ARHGEF3: variants seen among roughly 807,000 people sequenced by gnomAD.
The protein encoded by ARHGEF3 is 59.8 kDA protein.
ARHGEF3 carries 28 observed loss-of-function variants against 63.2 expected under a neutral mutation model. The ratio of observed to expected loss-of-function variants is 0.44; its 90% CI spans 0.33 to 0.61. The LOEUF (loss-of-function observed/expected upper bound fraction) is 0.61, where lower values mean the gene tolerates loss of function less well. Ranked by LOEUF, ARHGEF3 falls within the 20% of genes least tolerant of loss-of-function variation. The pLI, the probability that ARHGEF3 is intolerant of heterozygous loss-of-function variation, is 0.03. For synonymous variants in ARHGEF3, 266 were observed against 254.2 expected (o/e 1.05, Z -0.44); for missense variants, 533 against 659.3 (o/e 0.81, Z 2.10).
intron 1 of ARHGEF3, among the ~76,000 whole-genome samples, chr3:57,073,061 A>C (rs1267292698): frequency 6.6e-6 from 1 of 152,120 alleles, no homozygotes; most frequent in African/African-American, 2.4e-5. Context: ...AAATAAATAA[A>C]AGAAAAAACA....
At chr3:56,954,248 C>T (rs1685694480) in intron 3 of ARHGEF3, among the ~76,000 whole-genome samples, 1 of 152,164 alleles carries the variant, frequency 6.6e-6, no homozygotes, top group Non-Finnish European at 1.5e-5. Flanking sequence ...CAGGCAATGG[C>T]AGGAGCTGTG....
At chr3:56,729,684 G>C in intron 9 of ARHGEF3, 62 bp from the exon 10 acceptor site, 12 of 1,371,862 alleles carry the variant, frequency 8.7e-6, no homozygotes, top group Non-Finnish European at 1.2e-5. Flanking sequence ...AGGCCAAAGA[G>C]AACACACGTA....
rs140577755 is a variant in ARHGEF3, at chr3:56,823,551, T to C, written c.193-49735A>G. ...TCCCAGAATCAAGTTCACTGGGAGA[T>C]TGTGGACTTGGAAGTGCTTTGGAAT... On this transcript the variant is annotated intron_variant, in intron 4 of 12. Coordinates refer to the ARHGEF3 transcript ENST00000338458. Among the ~76,000 whole-genome samples the C allele has an allele frequency of 8.1e-4, 123 of 152,224 alleles. 2 individuals are homozygous for C. Among genetic ancestry groups the C allele is most frequent in the African/African-American group, 2.3e-3 (97 of 41,536 alleles).
intron 4 of ARHGEF3, among the ~76,000 whole-genome samples, chr3:56,837,374 G>A (rs921223509): frequency 2.6e-5 from 4 of 152,238 alleles, no homozygotes; most frequent in South Asian, 2.1e-4. Flanking sequence ...CTGCATTAAC[G>A]CCACAATCCC....
At chr3:56,748,309 C>T (rs549069447) in intron 6 of ARHGEF3, among the ~76,000 whole-genome samples, 7 of 152,204 alleles carry the variant, frequency 4.6e-5, no homozygotes, top group Admixed American at 2.0e-4. Flanking sequence ...GGATTACAGA[C>T]GTGAGCCACT....
intron 1 of ARHGEF3, among the ~76,000 whole-genome samples, chr3:57,036,573 G>A (rs1703971262): frequency 6.6e-6 from 1 of 152,182 alleles, no homozygotes; most frequent in African/African-American, 2.4e-5. Context: ...GGGTGTGGTT[G>A]AGGATCAAAA....
chr3:56,756,657 C>T lies in ARHGEF3; in HGVS notation c.205-1506G>A, dbSNP rs575829557. Among the ~76,000 whole-genome samples the T allele has an allele frequency of 1.6e-3, 241 of 151,048 alleles. 2 individuals carry two copies. The highest frequency in any genetic ancestry group is 0.01 in the Middle Eastern group (3 of 294). Reference sequence around the variant, plus strand: ...CCCCGCCTCCTGGGTTCACGCCACTCTCTTGCTTCAGCCTCCTGAGTAGCT... The same window carrying T: ...CCCCGCCTCCTGGGTTCACGCCACTTTCTTGCTTCAGCCTCCTGAGTAGCT... On this transcript the variant is annotated intron_variant, in intron 2 of 9. Transcript: ENST00000296315.
chr3:57,012,526 T>C (rs1431088552), intron 2 of ARHGEF3, among the ~76,000 whole-genome samples: 2 of 152,240 alleles, frequency 1.3e-5, no homozygotes, highest in Non-Finnish European at 2.9e-5. Context: ...CCCAAAGTGC[T>C]GGGATTACAG....
intron 4 of ARHGEF3, among the ~76,000 whole-genome samples, chr3:56,815,614 A>T (rs1366689017): frequency 6.6e-6 from 1 of 152,252 alleles, no homozygotes; most frequent in African/African-American, 2.4e-5. Flanking sequence ...AACTATGAGA[A>T]AAGAATTACT....
chr3:56,874,036 T>C (rs539146317), intron 4 of ARHGEF3, among the ~76,000 whole-genome samples: 31 of 152,300 alleles, frequency 2.0e-4, no homozygotes, highest in African/African-American at 6.7e-4. Context: ...GTGTCAAAGA[T>C]AAAAGATCAC....
At chr3:56,893,997 C>T (rs965767231) in intron 3 of ARHGEF3, among the ~76,000 whole-genome samples, 1 of 152,120 alleles carries the variant, frequency 6.6e-6, no homozygotes, top group Non-Finnish European at 1.5e-5. Context: ...ACCGGTCACT[C>T]GTGTAGCAGA....
Position 56,751,299 on chromosome 3 carries a change from C to T in ARHGEF3, c.535+1G>A. The stretch of plus-strand genomic sequence containing the variant: ...GACTCATCCTGGGAACAAAATTATA[C>T]CTTCATGTAGAGGAATTAGAGAGTC... On this transcript the variant is annotated splice_donor_variant, in intron 5 of 9. Transcript: ENST00000296315. LOFTEE classifies it high-confidence loss of function. 6.2e-7 allele frequency: 1 copy of T among 1,609,590 alleles called. No homozygotes were observed. Among genetic ancestry groups the T allele is most frequent in the Non-Finnish European group, 8.5e-7 (1 of 1,175,912 alleles).
At chr3:57,041,260 C>T (rs1369470793) in intron 1 of ARHGEF3, among the ~76,000 whole-genome samples, 1 of 152,216 alleles carries the variant, frequency 6.6e-6, no homozygotes, top group Non-Finnish European at 1.5e-5. Flanking sequence ...AGACTCAGTG[C>T]TCCTCGTGCA....
intron 3 of ARHGEF3, among the ~76,000 whole-genome samples, chr3:56,889,332 G>A (rs920304774): frequency 2.6e-5 from 4 of 152,130 alleles, no homozygotes; most frequent in African/African-American, 9.7e-5. Flanking sequence ...CGTGGTCCAA[G>A]CCTGAATAGC....
intron 3 of ARHGEF3, among the ~76,000 whole-genome samples, chr3:56,904,414 G>A (rs570667262): frequency 6.2e-4 from 95 of 152,180 alleles, no homozygotes; most frequent in African/African-American, 2.2e-3. Context: ...ATCTTCCCAC[G>A]TTGGCCTCCC....
chr3:56,950,032 A>T (rs1441143895), intron 3 of ARHGEF3, among the ~76,000 whole-genome samples: 3 of 152,090 alleles, frequency 2.0e-5, no homozygotes, highest in Non-Finnish European at 4.4e-5. Flanking sequence ...AAAAGGGGGA[A>T]CGATTTCCTA....
chr3:56,901,368 G>GTATGTATATGTATATGTATATGTA lies in ARHGEF3; in HGVS notation c.130-19038_130-19015dup, dbSNP rs56397347. ...GGAGAGTAAACAAGAGAGTGGCAAA[G>GTATGTATATGTATATGTATATGTA]TATGTATATGTATATGTATATGTAT... On this transcript the variant is annotated intron_variant, in intron 3 of 12. Transcript: ENST00000338458. 1.7e-3 allele frequency among the ~76,000 whole-genome samples: 249 copies of GTATGTATATGTATATGTATATGTA among 147,958 alleles called. 1 individual carries two copies. Among genetic ancestry groups the GTATGTATATGTATATGTATATGTA allele is most frequent in the Non-Finnish European group, 1.7e-3 (114 of 67,262 alleles).
At chr3:56,771,301 A>T (rs2035993277) in intron 2 of ARHGEF3, among the ~76,000 whole-genome samples, 1 of 152,104 alleles carries the variant, frequency 6.6e-6, no homozygotes, top group Admixed American at 6.6e-5. Flanking sequence ...GAGGTGAGCA[A>T]ATGTTTCCTG....
intron 3 of ARHGEF3, among the ~76,000 whole-genome samples, chr3:56,893,014 G>C (rs1330541268): frequency 6.6e-6 from 1 of 152,188 alleles, no homozygotes; most frequent in Non-Finnish European, 1.5e-5. Context: ...TTGTCAAGCT[G>C]TCCTCTAAAG....
Sources: gnomAD v4.1 joint callset for allele counts (sites outside exome capture counted in the v4.1 genomes callset) on GRCh38, gnomAD v4.1.1 for gene constraint, MANE v1.5 for transcripts, NCBI Gene and HGNC (gene_info 2026-07-23, HGNC 2026-07-21) for gene names.